The following GNAI1 variants were observed in gnomAD, a reference collection of about 807,000 sequenced individuals.
The protein encoded by GNAI1 is G protein subunit alpha i1.
Under a neutral mutation model 38.9 loss-of-function variants are expected in GNAI1, and 11 were observed. The observed-to-expected ratio is 0.28, with a 90% CI of 0.18 to 0.47. GNAI1 has a LOEUF of 0.47. GNAI1 is among the 20% of genes least tolerant of loss of function. The pLI, the probability that GNAI1 is intolerant of heterozygous loss-of-function variation, is 0.99. For synonymous variants in GNAI1, 166 were observed against 145.1 expected (o/e 1.14, Z -1.04); for missense variants, 317 against 436.9 (o/e 0.73, Z 2.45).
At position 80,189,248 on chromosome 7, in the gene GNAI1, G is replaced by C. The variant is rs1400254090; in HGVS notation, c.303+17G>C. The C allele has an allele frequency of 7.5e-6, 12 of 1,608,328 alleles. No individual in the cohort carries two copies. The highest frequency in any genetic ancestry group is 9.4e-6 in the Non-Finnish European group (11 of 1,176,434). ...GCCCGGGCGGTAAGTTATTAAATTTGTTGGAGCTGACCTGATGGGTAAAAA... is the reference window on the plus strand; with the variant it reads ...GCCCGGGCGGTAAGTTATTAAATTTCTTGGAGCTGACCTGATGGGTAAAAA... On this transcript the variant is annotated intron_variant, in intron 3 of 7. Coordinates refer to ENST00000649796, the MANE Select transcript of GNAI1 (RefSeq NM_002069.6).
chr7:80,137,580 G>A (rs62460729), intron 1 of GNAI1, among the ~76,000 whole-genome samples: 17,344 of 152,014 alleles, frequency 0.11, 1,072 homozygotes, highest in African/African-American at 0.15. Context: ...TCAGCCTCCC[G>A]AAGTTCTGGG....
chr7:80,190,201 A>G (rs1467573737), intron 3 of GNAI1, among the ~76,000 whole-genome samples: 1 of 152,102 alleles, frequency 6.6e-6, no homozygotes, highest in Non-Finnish European at 1.5e-5. Flanking sequence ...AGAAAAATGA[A>G]TGAAAGCAAT....
intron 1 of GNAI1, among the ~76,000 whole-genome samples, chr7:80,163,434 C>T (rs1442732789): frequency 6.6e-6 from 1 of 152,198 alleles, no homozygotes; most frequent in Admixed American, 6.5e-5. Context: ...TTCTCCATCA[C>T]TCCATTGTGT....
chr7:80,211,983 A>G (rs1017667719), intron 6 of GNAI1, among the ~76,000 whole-genome samples: 3 of 152,180 alleles, frequency 2.0e-5, no homozygotes, highest in Non-Finnish European at 4.4e-5. Flanking sequence ...AAACCTGAGT[A>G]TACAGAAAGC....
At chr7:80,198,901 C>T (rs1788630418) in intron 3 of GNAI1, among the ~76,000 whole-genome samples, 1 of 152,118 alleles carries the variant, frequency 6.6e-6, no homozygotes, top group Non-Finnish European at 1.5e-5. Context: ...CAAAAATGAT[C>T]ATCTTCAATA....
At chr7:80,150,023 C>T (rs1191920693) in intron 1 of GNAI1, among the ~76,000 whole-genome samples, 1 of 152,166 alleles carries the variant, frequency 6.6e-6, no homozygotes, top group African/African-American at 2.4e-5. Context: ...GTGCAGATTA[C>T]AATGAGATGC....
chr7:80,202,560 A>C (rs988435884), intron 4 of GNAI1, among the ~76,000 whole-genome samples: 5 of 152,248 alleles, frequency 3.3e-5, no homozygotes, highest in Admixed American at 1.3e-4. Context: ...CAGAGAAAGT[A>C]CTGGAGGATT....
rs1788865550 is a variant in GNAI1 at position 80,211,065 on chromosome 7, C to T, written c.687C>T (p.Asp229=). The T allele has an allele frequency of 6.2e-7, 1 of 1,613,536 alleles. No homozygotes were observed. The highest frequency in any genetic ancestry group is 1.1e-5 in the South Asian group (1 of 91,068). The change falls in exon 6 of 8, where the codon GAC becomes GAT. Residue 229 remains aspartate (D), a synonymous_variant. Transcript: ENST00000649796. ...TCATCTTCTGTGTAGCACTGAGTGA[C>T]TACGACCTGGTTCTAGCTGAAGATG... ...TAIIFCVALS[D]YDLVLAEDEE...
At chr7:80,145,162 T>G (rs1787597614) in intron 1 of GNAI1, among the ~76,000 whole-genome samples, 1 of 152,244 alleles carries the variant, frequency 6.6e-6, no homozygotes, top group Admixed American at 6.5e-5. Context: ...ATACACCCCT[T>G]AAGTAATTTT....
chr7:80,162,690 G>T (rs1221529763), intron 1 of GNAI1, among the ~76,000 whole-genome samples: 1 of 152,184 alleles, frequency 6.6e-6, no homozygotes, highest in Non-Finnish European at 1.5e-5. Flanking sequence ...ACTTTGAACA[G>T]CTCCTTGAGG....
chr7:80,204,859 A>C (rs1041805754), intron 5 of GNAI1, among the ~76,000 whole-genome samples: 6 of 152,228 alleles, frequency 3.9e-5, no homozygotes, highest in Non-Finnish European at 8.8e-5. Context: ...CTACTGAAAC[A>C]AAACTTCTGT....
In GNAI1 at chr7:80,217,341, T is replaced by C; in HGVS notation, c.913T>C (p.Cys305Arg). 1 of 1,601,268 alleles carries C rather than the reference T, an allele frequency of 6.2e-7. No homozygotes were observed. The highest frequency in any genetic ancestry group is 2.2e-5 in the East Asian group (1 of 44,500). Residue 305 changes from cysteine to arginine, a missense_variant, in exon 8 of 8, where the codon TGT becomes CGT. This residue lies in a region of GNAI1 where 158 missense variants were observed against 234.7 expected (regional missense o/e 0.67). Coordinates refer to ENST00000649796, the MANE Select transcript of GNAI1 (RefSeq NM_002069.6). ...TYEEAAAYIQ[C>R]QFEDLNKRKD... is the part of the protein sequence containing the mutation. ...TGAAGAGGCAGCTGCATATATTCAA[T>C]GTCAGTTTGAAGACCTCAATAAAAG...
At chr7:80,142,409 CTCT>C (rs1440586815) in intron 1 of GNAI1, among the ~76,000 whole-genome samples, 1 of 152,158 alleles carries the variant, frequency 6.6e-6, no homozygotes, top group Non-Finnish European at 1.5e-5. Context: ...TTTTCTTTGC[CTCT>C]TCTTTATTGA....
intron 1 of GNAI1, among the ~76,000 whole-genome samples, chr7:80,160,416 T>C (rs1787904152): frequency 6.6e-6 from 1 of 152,058 alleles, no homozygotes; most frequent in Admixed American, 6.6e-5. Flanking sequence ...CTCAATTTTG[T>C]ATTTTAGGCA....
At chr7:80,160,131 A>G (rs1050860627) in intron 1 of GNAI1, among the ~76,000 whole-genome samples, 4 of 151,826 alleles carry the variant, frequency 2.6e-5, no homozygotes, top group Non-Finnish European at 4.4e-5. Flanking sequence ...TTCTGTAAGT[A>G]TCACATCAAC....
At chr7:80,211,691 T>C (rs1363712365) in intron 6 of GNAI1, among the ~76,000 whole-genome samples, 3 of 152,184 alleles carry the variant, frequency 2.0e-5, no homozygotes, top group Admixed American at 6.5e-5. Flanking sequence ...AGTGCTGGGA[T>C]TACAGGCCTG....
At chr7:80,136,999 T>A (rs771831940) in intron 1 of GNAI1, among the ~76,000 whole-genome samples, 5 of 152,160 alleles carry the variant, frequency 3.3e-5, no homozygotes, top group Non-Finnish European at 5.9e-5. Flanking sequence ...GTTGTTTTTG[T>A]GCATTGTAGG....
At chr7:80,217,237 A>ACTTCAGTTTCAG in intron 7 of GNAI1, 66 bp from the exon 8 acceptor site, 5 of 1,037,906 alleles carry the variant, frequency 4.8e-6, no homozygotes, top group South Asian at 1.8e-5. Flanking sequence ...TATGAAACTG[A>ACTTCAGTTTCAG]ATTCAGTATT....
intron 5 of GNAI1, among the ~76,000 whole-genome samples, chr7:80,205,173 C>T (rs889084721): frequency 6.6e-6 from 1 of 152,076 alleles, no homozygotes; most frequent in African/African-American, 2.4e-5. Context: ...AATAGAGTCA[C>T]ATTATTCACA....
Sources: allele counts gnomAD v4.1 joint callset (sites outside exome capture counted in the v4.1 genomes callset), GRCh38; gene constraint gnomAD v4.1.1; regional missense constraint gnomAD v4.1.1; transcripts MANE v1.5; gene names NCBI Gene and HGNC (gene_info 2026-07-23, HGNC 2026-07-21).